FHIT: variants seen among roughly 807,000 people sequenced by gnomAD.
The protein encoded by FHIT is bis(5'-adenosyl)-triphosphatase.
Under a neutral mutation model 17.9 loss-of-function variants are expected in FHIT, and 19 were observed. The observed-to-expected ratio is 1.06, with a 90% CI of 0.74 to 1.56. The LOEUF (loss-of-function observed/expected upper bound fraction) is 1.56. Among genes scored for constraint, FHIT ranks in the 40% most tolerant of loss-of-function variants. The pLI is 0.00. For synonymous variants in FHIT, 81 were observed against 69.7 expected (o/e 1.16, Z -0.81); for missense variants, 248 against 189.2 (o/e 1.31, Z -1.82).
intron 7 of FHIT, among the ~76,000 whole-genome samples, chr3:59,929,888 C>G (rs1403280778): frequency 3.3e-5 from 5 of 150,678 alleles, no homozygotes; most frequent in African/African-American, 1.2e-4. Flanking sequence ...TCTCAATTGC[C>G]CCAGACAAAA....
chr3:60,603,842 T>A (rs2038522835), intron 4 of FHIT, among the ~76,000 whole-genome samples: 1 of 152,170 alleles, frequency 6.6e-6, no homozygotes, highest in Admixed American at 6.5e-5. Flanking sequence ...TAAATAGATC[T>A]CTGGCTTAGG....
intron 5 of FHIT, among the ~76,000 whole-genome samples, chr3:60,500,744 G>C (rs905851154): frequency 3.0e-5 from 4 of 134,006 alleles, no homozygotes; most frequent in African/African-American, 1.1e-4. Flanking sequence ...CTGCACTCCA[G>C]CCTGGGTGAC....
chr3:60,924,553 T>A (rs1270400444), intron 3 of FHIT, among the ~76,000 whole-genome samples: 1 of 151,970 alleles, frequency 6.6e-6, no homozygotes, highest in Non-Finnish European at 1.5e-5. Flanking sequence ...CAAAACCCCA[T>A]CTGTACGTCA....
At chr3:61,008,681 C>T (rs1349031515) in intron 3 of FHIT, among the ~76,000 whole-genome samples, 4 of 151,978 alleles carry the variant, frequency 2.6e-5, no homozygotes, top group African/African-American at 9.7e-5. Flanking sequence ...GTAAATCTAA[C>T]GTGGACAGCT....
chr3:59,773,762 G>C (rs899474744), intron 8 of FHIT, among the ~76,000 whole-genome samples: 2 of 152,008 alleles, frequency 1.3e-5, no homozygotes, highest in Non-Finnish European at 2.9e-5. Flanking sequence ...CAGAACATAA[G>C]GCCCCATCCC....
chr3:60,059,014 G>A (rs184684681), intron 5 of FHIT, among the ~76,000 whole-genome samples: 171 of 152,224 alleles, frequency 1.1e-3, no homozygotes, highest in Middle Eastern at 3.4e-3. Flanking sequence ...CAACTAAAAC[G>A]AAGAAAATGT....
chr3:60,693,056 C>T (rs1417195997), intron 4 of FHIT, among the ~76,000 whole-genome samples: 2 of 152,212 alleles, frequency 1.3e-5, no homozygotes, highest in Non-Finnish European at 2.9e-5. Context: ...AGAATCAAGA[C>T]TAGCTTGACT....
intron 2 of FHIT, among the ~76,000 whole-genome samples, chr3:61,124,541 T>C (rs1482457938): frequency 2.0e-5 from 3 of 151,932 alleles, no homozygotes; most frequent in Non-Finnish European, 4.4e-5. Context: ...TATCACTGAT[T>C]AGGGAGTTGG....
At chr3:60,130,784 G>GTGTGTGTATATACACACATATGTGTGT (rs148356992) in intron 5 of FHIT, among the ~76,000 whole-genome samples, 3 of 111,628 alleles carry the variant, frequency 2.7e-5, no homozygotes, top group African/African-American at 8.9e-5. Context: ...GTGTGTGTGT[G>GTGTGTGTATATACACACATATGTGTGT]GTGTGTATAT....
chr3:60,688,818 A>G (rs1278420706), intron 4 of FHIT, among the ~76,000 whole-genome samples: 1 of 152,128 alleles, frequency 6.6e-6, no homozygotes, highest in Non-Finnish European at 1.5e-5. Flanking sequence ...GTAACACTGT[A>G]ATCTTATTTC....
rs368442482 is a variant in FHIT at position 60,239,458 on chromosome 3, AG to A, written c.104-225307del. Among the ~76,000 whole-genome samples the A allele has an allele frequency of 2.9e-3, 436 of 152,206 alleles. 4 individuals carry two copies. Among genetic ancestry groups the A allele is most frequent in the African/African-American group, 9.9e-3 (412 of 41,546 alleles). On this transcript the variant is annotated intron_variant, in intron 5 of 9. Coordinates refer to ENST00000492590, the MANE Select transcript of FHIT (RefSeq NM_002012.4). ...CACATACCTGTAGTCCCAGCTACTC[AG>A]GGGGCTAAGGCAGGAGTGTGGCTTA...
intron 3 of FHIT, among the ~76,000 whole-genome samples, chr3:60,842,687 G>C (rs1257982142): frequency 1.5e-5 from 2 of 135,762 alleles, no homozygotes; most frequent in African/African-American, 2.8e-5. Context: ...AAAGGAGACA[G>C]GCCTTTAAAA....
At chr3:60,202,897 C>T (rs958476183) in intron 5 of FHIT, among the ~76,000 whole-genome samples, 110 of 152,216 alleles carry the variant, frequency 7.2e-4, no homozygotes, top group African/African-American at 2.6e-3. Context: ...CAGAAAGCTA[C>T]TCCCATGCCC....
At chr3:60,553,485 T>TTA (rs1370364949) in intron 4 of FHIT, 2 of 228,386 alleles carry the variant, frequency 8.8e-6, no homozygotes, top group Non-Finnish European at 1.3e-5. Context: ...TATATAAAAA[T>TTA]TATATATATT....
chr3:60,258,512 C>T (rs997132350), intron 5 of FHIT, among the ~76,000 whole-genome samples: 1 of 152,008 alleles, frequency 6.6e-6, no homozygotes, highest in East Asian at 1.9e-4. Context: ...TTTGAAAAGT[C>T]CATGATTTTA....
At chr3:60,889,502 T>A (rs908597703) in intron 3 of FHIT, among the ~76,000 whole-genome samples, 1 of 152,206 alleles carries the variant, frequency 6.6e-6, no homozygotes, top group African/African-American at 2.4e-5. Context: ...ATAGCTACAA[T>A]CTATAGAGCA....
intron 3 of FHIT, among the ~76,000 whole-genome samples, chr3:60,949,904 T>A (rs759040039): frequency 2.0e-5 from 3 of 152,290 alleles, no homozygotes; most frequent in Non-Finnish European, 4.4e-5. Context: ...AAAAGAAGAC[T>A]GTTCAAATTA....
At chr3:59,855,777 C>G (rs971018358) in intron 8 of FHIT, among the ~76,000 whole-genome samples, 1 of 150,654 alleles carries the variant, frequency 6.6e-6, no homozygotes, top group African/African-American at 2.4e-5. Context: ...AATAGATAAA[C>G]CTTTTTTTGT....
rs374534773 is a variant in FHIT at position 59,904,069 on chromosome 3, T to A, written c.348+18277A>T. On this transcript the variant is annotated intron_variant, in intron 8 of 9. Coordinates refer to ENST00000492590, the MANE Select transcript of FHIT (RefSeq NM_002012.4). ...AGCACAAAATAGTGGCTACTTCTTT[T>A]TTTTTCTCCCCCACACCCCCCCGCC... Among the ~76,000 whole-genome samples, 9 of 151,800 alleles carry A rather than the reference T, an allele frequency of 5.9e-5. No individual in the cohort carries two copies. In the South Asian group the frequency reaches 1.0e-3, roughly 18 times the overall value.
Sources: allele counts gnomAD v4.1 joint callset (sites outside exome capture counted in the v4.1 genomes callset), GRCh38; gene constraint gnomAD v4.1.1; transcripts MANE v1.5; gene names NCBI Gene and HGNC (gene_info 2026-07-23, HGNC 2026-07-21).